The following SNX13 variants were observed in gnomAD, a reference collection of about 807,000 sequenced individuals.
SNX13 encodes the protein sorting nexin 13, also known as sorting nexin-13.
In SNX13, 45 loss-of-function variants were observed where a neutral mutation model predicts 133.6. The observed-to-expected ratio is 0.34, with a 90% confidence interval of 0.27 to 0.43. SNX13 has a LOEUF of 0.43. SNX13 is among the 20% of genes least tolerant of loss of function. SNX13 has a pLI of 1.00. For missense variants in SNX13, 1,032 were observed against 1,145.1 expected (o/e 0.90, Z 1.43); for synonymous variants, 414 against 373.9 (o/e 1.11, Z -1.24).
intron 1 of SNX13, among the ~76,000 whole-genome samples, chr7:17,927,355 G>A (rs1030363331): frequency 6.6e-6 from 1 of 151,784 alleles, no homozygotes; most frequent in African/African-American, 2.4e-5. Flanking sequence ...CAATCCTCCC[G>A]CCTCAGCCTC....
chr7:17,859,911 C>T (rs1427806751), intron 9 of SNX13, among the ~76,000 whole-genome samples: 4 of 152,060 alleles, frequency 2.6e-5, no homozygotes. Context: ...TGTTGATAGA[C>T]ACTTAAGGTT....
At chr7:17,828,351 A>T (rs1370071198) in intron 16 of SNX13, among the ~76,000 whole-genome samples, 1 of 151,716 alleles carries the variant, frequency 6.6e-6, no homozygotes, top group East Asian at 1.9e-4. Context: ...AGTACTCTTT[A>T]AGTTATGATT....
intron 9 of SNX13, among the ~76,000 whole-genome samples, chr7:17,858,618 T>A (rs546015717): frequency 6.6e-6 from 1 of 152,150 alleles, no homozygotes; most frequent in South Asian, 2.1e-4. Flanking sequence ...AGGTTTTTAA[T>A]AAAAACTAAA....
Position 17,893,433 on chromosome 7 carries a change from C to A in SNX13, c.127G>T (p.Gly43Cys), listed in dbSNP as rs1221439067. Residue 43 changes from glycine (G) to cysteine (C), a missense_variant and splice_region_variant, in exon 3 of 26, where the codon GGT (glycine) becomes TGT (cysteine). Gly to Cys is a radical substitution (Grantham distance 159). Transcript: ENST00000428135. The part of the protein sequence containing the change: ...TFYILCFVGG[G>C]LVVTLLFGKT... Reference sequence around the variant, plus strand: ...CCAAACAGGAGAGTAACCACTAAACCCCTAGAAAGAAAAATTTAATCACAA... The same window carrying A: ...CCAAACAGGAGAGTAACCACTAAACACCTAGAAAGAAAAATTTAATCACAA... The A allele has an allele frequency of 1.1e-5, 17 of 1,530,194 alleles. No individual in the cohort carries two copies. Among genetic ancestry groups the A allele is most frequent in the South Asian group, 1.3e-5 (1 of 79,518 alleles). The allele number at this position is 1,530,194 out of a possible 1,614,324, so 94.8% of individuals were successfully genotyped here.
At position 17,791,802 on chromosome 7, in the gene SNX13, T is replaced by G. The variant is rs572260354; in HGVS notation, c.*2243A>C. ...TGACCAAGTCATTCAAAAAGTTATCTCTAATTTTAGCATGACCACAGCTCT... is the reference window on the plus strand; with the variant it reads ...TGACCAAGTCATTCAAAAAGTTATCGCTAATTTTAGCATGACCACAGCTCT... On this transcript the variant is annotated 3_prime_UTR_variant, in exon 26 of 26. Coordinates refer to ENST00000428135, the MANE Select transcript of SNX13 (RefSeq NM_015132.5). The G allele has an allele frequency of 1.3e-5, 2 of 152,204 alleles. No individual in the cohort carries two copies. Among genetic ancestry groups the G allele is most frequent in the East Asian group, 3.9e-4 (2 of 5,180 alleles). The allele number at this position is 152,204 out of a possible 1,614,324, so 9.4% of individuals were successfully genotyped here.
In SNX13 at chr7:17,798,719, T is replaced by C. The variant is rs1350208233; in HGVS notation, c.2484A>G (p.Glu828=). Residue 828 remains glutamate (E), a synonymous_variant, in exon 24 of 26, where the codon GAA becomes GAG. Transcript: ENST00000428135. The stretch of plus-strand genomic sequence containing the variant: ...AACGTTTCACTGAGTCGGCTACTTG[T>C]TCAGGTGAAGTCATCCAGTCAACAT... ...VDHVDWMTSP[E]QVADSVKRFR... The C allele has an allele frequency of 4.4e-6, 7 of 1,574,776 alleles. No individual in the cohort carries two copies. The highest frequency in any genetic ancestry group is 3.6e-5 in the South Asian group (3 of 83,614).
rs1274921849 is a variant in SNX13 at position 17,814,959 on chromosome 7, A to T, written c.1954-15T>A. 1.4e-6 allele frequency: 2 copies of T among 1,410,612 alleles called. No individual in the cohort carries two copies. The allele number at this position is 1,410,612 out of a possible 1,614,324, so 87.4% of individuals were successfully genotyped here. Reference sequence around the variant, plus strand: ...GCTAACAGTAACTAACAAGAAAAAAAAAAAAAAGAAGAGATTATCTTAAAC... The same window carrying T: ...GCTAACAGTAACTAACAAGAAAAAATAAAAAAAGAAGAGATTATCTTAAAC... On this transcript the variant is annotated splice_polypyrimidine_tract_variant and intron_variant, in intron 19 of 25. Coordinates refer to ENST00000428135, the MANE Select transcript of SNX13 (RefSeq NM_015132.5).
intron 2 of SNX13, among the ~76,000 whole-genome samples, chr7:17,894,553 CA>C (rs1323965222): frequency 6.6e-6 from 1 of 151,488 alleles, no homozygotes; most frequent in African/African-American, 2.4e-5. Flanking sequence ...AAATGTATCC[CA>C]AAAAAAGTTA....
At chr7:17,800,190 G>C (rs933007578) in intron 22 of SNX13, among the ~76,000 whole-genome samples, 1 of 151,316 alleles carries the variant, frequency 6.6e-6, no homozygotes, top group East Asian at 1.9e-4. Flanking sequence ...CATACCAAAG[G>C]TACAATGTTA....
At chr7:17,900,492 A>G (rs1177582188) in intron 1 of SNX13, among the ~76,000 whole-genome samples, 3 of 152,012 alleles carry the variant, frequency 2.0e-5, no homozygotes, top group South Asian at 4.1e-4. Context: ...CTGCTGCTCT[A>G]CTCTACTGCA....
rs1784662355 is a variant in SNX13, at chr7:17,801,679, C to T, written c.2227-20G>A. The T allele has an allele frequency of 1.3e-6, 2 of 1,581,722 alleles. No homozygotes were observed. Among genetic ancestry groups the T allele is most frequent in the Non-Finnish European group, 1.7e-6 (2 of 1,159,058 alleles). Reference sequence around the variant, plus strand: ...AGGCACCTAAAAATAAAACCAAATCCACAAAGTAAACACACTAAAGCAGAC... The same window carrying T: ...AGGCACCTAAAAATAAAACCAAATCTACAAAGTAAACACACTAAAGCAGAC... On this transcript the variant is annotated intron_variant, in intron 21 of 25. Coordinates refer to ENST00000428135, the MANE Select transcript of SNX13 (RefSeq NM_015132.5).
At chr7:17,898,519 G>C (rs1476914533) in intron 1 of SNX13, among the ~76,000 whole-genome samples, 2 of 151,974 alleles carry the variant, frequency 1.3e-5, no homozygotes, top group African/African-American at 4.8e-5. Flanking sequence ...GATACCATAA[G>C]GGATAAAACA....
At chr7:17,874,712 T>A (rs1168741299) in intron 7 of SNX13, among the ~76,000 whole-genome samples, 1 of 152,238 alleles carries the variant, frequency 6.6e-6, no homozygotes, top group African/African-American at 2.4e-5. Flanking sequence ...GCATAAGTGA[T>A]CCTCTTAATT....
chr7:17,793,880 A>C lies in SNX13; in HGVS notation c.*165T>G. Reference sequence around the variant, plus strand: ...AAATCTCTCTTGGTAGTGGTGGATTATAGATGAGAATGAGAAGAACCACAG... The same window carrying C: ...AAATCTCTCTTGGTAGTGGTGGATTCTAGATGAGAATGAGAAGAACCACAG... On this transcript the variant is annotated 3_prime_UTR_variant, in exon 26 of 26. Coordinates refer to ENST00000428135, the MANE Select transcript of SNX13 (RefSeq NM_015132.5). 1.4e-6 allele frequency: 1 copy of C among 692,540 alleles called. No homozygotes were observed. Among genetic ancestry groups the C allele is most frequent in the Non-Finnish European group, 2.3e-6 (1 of 443,522 alleles). The allele number at this position is 692,540 out of a possible 1,614,324, so 42.9% of individuals were successfully genotyped here. A position where few individuals can be genotyped will look rare whatever the true frequency, so the allele number is the denominator to read the frequency against.
At chr7:17,807,041 A>C (rs1179750856) in intron 20 of SNX13, among the ~76,000 whole-genome samples, 1 of 152,122 alleles carries the variant, frequency 6.6e-6, no homozygotes, top group South Asian at 2.1e-4. Context: ...GTTTGGACAG[A>C]CACCAAGCTA....
At chr7:17,882,731 C>T in intron 5 of SNX13, 1 of 1,039,906 alleles carries the variant, frequency 9.6e-7, no homozygotes, top group Non-Finnish European at 1.2e-6. Context: ...TTAGTAACAA[C>T]CTGACCAGAG....
intron 22 of SNX13, among the ~76,000 whole-genome samples, chr7:17,799,710 A>C (rs1460150717): frequency 1.3e-5 from 2 of 151,734 alleles, no homozygotes; most frequent in African/African-American, 4.8e-5. Context: ...AAATTACTAG[A>C]ATTTTCTTTT....
At chr7:17,858,130 C>G (rs1792159391) in intron 9 of SNX13, among the ~76,000 whole-genome samples, 1 of 151,930 alleles carries the variant, frequency 6.6e-6, no homozygotes, top group African/African-American at 2.4e-5. Context: ...AAAAAGGATG[C>G]CTACTCCTAC....
chr7:17,848,887 AG>A (rs1056105937), intron 11 of SNX13, among the ~76,000 whole-genome samples: 26 of 152,194 alleles, frequency 1.7e-4, no homozygotes, highest in Non-Finnish European at 7.4e-5. Flanking sequence ...TCACATGCTC[AG>A]GTTTTCCTGC....
Sources: allele counts gnomAD v4.1 joint callset (sites outside exome capture counted in the v4.1 genomes callset), GRCh38; gene constraint gnomAD v4.1.1; transcripts MANE v1.5; gene names NCBI Gene and HGNC (gene_info 2026-07-23, HGNC 2026-07-21).